Variants in TFPI observed in about 807,000 individuals in gnomAD.
The protein encoded by TFPI is tissue factor pathway inhibitor.
In TFPI, 15 loss-of-function variants were observed where a neutral mutation model predicts 34.6. The ratio of observed to expected loss-of-function variants is 0.43; its 90% CI spans 0.29 to 0.67. TFPI has a LOEUF of 0.67. Among genes scored for constraint, TFPI ranks in the 30% least tolerant of loss-of-function variants. TFPI has a pLI of 0.15. For synonymous variants in TFPI, 105 were observed against 120.1 expected (o/e 0.87, Z 0.82); for missense variants, 301 against 364.0 (o/e 0.83, Z 1.41).
At position 187,467,783 on chromosome 2, in the gene TFPI, T is replaced by G. The variant is rs747717498; in HGVS notation, c.778A>C (p.Lys260Gln). The G allele has an allele frequency of 3.7e-6, 6 of 1,611,080 alleles. No individual in the cohort carries two copies. Among genetic ancestry groups the G allele is most frequent in the Non-Finnish European group, 5.1e-6 (6 of 1,178,690 alleles). ...CGGNENNFTS[K>Q]QECLRACKKG... ...TTACATGCCCTCAGACATTCTTGTT[T>G]GGAAGTAAAATTGTTTTCATTTCCC... The change falls in exon 7 of 8, where the codon AAA becomes CAA. Residue 260 changes from lysine to glutamine, a missense_variant. Coordinates refer to ENST00000233156, the MANE Select transcript of TFPI (RefSeq NM_006287.6).
chr2:187,491,763 CT>C (rs1241995084), intron 3 of TFPI, among the ~76,000 whole-genome samples: 9 of 152,046 alleles, frequency 5.9e-5, no homozygotes, highest in Non-Finnish European at 1.0e-4. Context: ...TTTTTTAGGT[CT>C]TTGGGAAATC....
At chr2:187,501,526 G>T (rs1685851040) in intron 2 of TFPI, among the ~76,000 whole-genome samples, 1 of 151,878 alleles carries the variant, frequency 6.6e-6, no homozygotes, top group African/African-American at 2.4e-5. Flanking sequence ...ACAAACACAT[G>T]TACCTTTTGC....
chr2:187,537,466 C>T (rs1433274591), intron 1 of TFPI, among the ~76,000 whole-genome samples: 1 of 152,150 alleles, frequency 6.6e-6, no homozygotes, highest in Non-Finnish European at 1.5e-5. Flanking sequence ...TTTGACACAC[C>T]TGACAAAAAC....
chr2:187,543,413 T>C (rs549395732), intron 1 of TFPI, among the ~76,000 whole-genome samples: 1 of 152,310 alleles, frequency 6.6e-6, no homozygotes, highest in South Asian at 2.1e-4. Context: ...TACACAAAAA[T>C]AGATGCATAA....
intron 6 of TFPI, among the ~76,000 whole-genome samples, chr2:187,471,166 T>A (rs1692010978): frequency 6.6e-6 from 1 of 152,220 alleles, no homozygotes; most frequent in Admixed American, 6.5e-5. Context: ...CGGTTATTCT[T>A]CAGAACATAA....
In TFPI at chr2:187,545,427, C is replaced by T. The variant is rs1309739981; in HGVS notation, c.-3+8773G>A. ...ATACACTGCTAGAGCTAAAAACAATCATAGAAATAAGTATCTGAAATATCC... is the reference window on the plus strand; with the variant it reads ...ATACACTGCTAGAGCTAAAAACAATTATAGAAATAAGTATCTGAAATATCC... On this transcript the variant is annotated intron_variant, in intron 1 of 7. Transcript: ENST00000233156. Among the ~76,000 whole-genome samples the T allele has an allele frequency of 2.6e-5, 4 of 152,210 alleles. No individual in the cohort carries two copies. The South Asian group carries it at 8.3e-4, about 32-fold the overall frequency.
At chr2:187,536,598 G>A (rs556114190) in intron 1 of TFPI, among the ~76,000 whole-genome samples, 66 of 152,222 alleles carry the variant, frequency 4.3e-4, no homozygotes, top group African/African-American at 1.5e-3. Flanking sequence ...AATAATAAGA[G>A]CTATTTATGA....
chr2:187,517,457 G>C (rs1357730038), intron 1 of TFPI: 1 of 152,108 alleles, frequency 6.6e-6, no homozygotes, highest in Non-Finnish European at 1.5e-5. Flanking sequence ...GTGCAGTTTT[G>C]AGTTTCTTAA....
At chr2:187,515,263 A>G (rs1282535639) in intron 1 of TFPI, 1 of 152,200 alleles carries the variant, frequency 6.6e-6, no homozygotes, top group Non-Finnish European at 1.5e-5. Context: ...TTTAATAAAT[A>G]CCAAAGGACA....
At chr2:187,484,530 G>T in intron 5 of TFPI, 1 of 478,470 alleles carries the variant, frequency 2.1e-6, no homozygotes, top group Non-Finnish European at 3.6e-6. Flanking sequence ...GTATAAATGT[G>T]AAAGATTTCA....
intron 1 of TFPI, among the ~76,000 whole-genome samples, chr2:187,510,629 C>T (rs1016641774): frequency 6.6e-6 from 1 of 152,172 alleles, no homozygotes; most frequent in African/African-American, 2.4e-5. Flanking sequence ...AGTTAAAGAT[C>T]GACCCCTGAC....
intron 6 of TFPI, chr2:187,478,560 T>G (rs1363924276): frequency 1.5e-6 from 2 of 1,342,106 alleles, no homozygotes; most frequent in Admixed American, 2.9e-5. Context: ...ACAAGTGAGG[T>G]GCAGTGAGAA....
At chr2:187,485,227 T>A (rs1693176316) in intron 4 of TFPI, among the ~76,000 whole-genome samples, 1 of 151,862 alleles carries the variant, frequency 6.6e-6, no homozygotes, top group Non-Finnish European at 1.5e-5. Flanking sequence ...GTCATTTTTT[T>A]ACAAATTTAA....
intron 1 of TFPI, chr2:187,516,099 A>G (rs1259353071): frequency 6.6e-6 from 1 of 152,208 alleles, no homozygotes; most frequent in East Asian, 1.9e-4. Context: ...AATAATAACT[A>G]ATAAAACTGG....
At chr2:187,487,847 A>G (rs192712424) in intron 4 of TFPI, among the ~76,000 whole-genome samples, 1 of 151,546 alleles carries the variant, frequency 6.6e-6, no homozygotes, top group Admixed American at 6.6e-5. Flanking sequence ...ACATACATCC[A>G]TTCAAGGGAA....
At chr2:187,516,946 G>T (rs1490986041) in intron 1 of TFPI, 1 of 152,176 alleles carries the variant, frequency 6.6e-6, no homozygotes, top group Non-Finnish European at 1.5e-5. Context: ...GCCCCTAAAA[G>T]GGACTGGAAT....
intron 1 of TFPI, among the ~76,000 whole-genome samples, chr2:187,544,299 A>G (rs951860237): frequency 6.6e-6 from 1 of 152,194 alleles, no homozygotes; most frequent in African/African-American, 2.4e-5. Context: ...ATTTTTTACC[A>G]TAAGAGTGAA....
intron 1 of TFPI, among the ~76,000 whole-genome samples, chr2:187,553,435 T>C (rs1158231504): frequency 6.6e-6 from 1 of 152,140 alleles, no homozygotes; most frequent in African/African-American, 2.4e-5. Flanking sequence ...AATGAGTGCT[T>C]TTTCATAATT....
chr2:187,503,526 A>G (rs1685992807), intron 2 of TFPI, 122 bp downstream of exon 2: 3 of 1,235,850 alleles, frequency 2.4e-6, no homozygotes, highest in South Asian at 1.5e-5. Flanking sequence ...TAAATTTCCA[A>G]AGAAAAATAT....
Sources: allele counts gnomAD v4.1 joint callset (sites outside exome capture counted in the v4.1 genomes callset), GRCh38; gene constraint gnomAD v4.1.1; transcripts MANE v1.5; gene names NCBI Gene and HGNC (gene_info 2026-07-23, HGNC 2026-07-21).